Variants in PSMD14 observed in about 807,000 individuals in gnomAD.
PSMD14 encodes the protein ubiquitin C-terminal hydrolase PSMD14.
PSMD14 carries 7 observed loss-of-function variants against 41.2 expected under a neutral mutation model. That is an observed-to-expected ratio of 0.17 (90% CI 0.10 to 0.32). The LOEUF (loss-of-function observed/expected upper bound fraction) is 0.32. Ranked by LOEUF, PSMD14 falls within the 10% of genes least tolerant of loss-of-function variation. The probability of loss-of-function intolerance (pLI) is 1.00; values close to 1 mark genes in which losing one functional copy is unlikely to be tolerated. For synonymous variants in PSMD14, 114 were observed against 122.3 expected, an observed-to-expected ratio of 0.93 and a Z score of 0.45; for missense variants, 139 against 375.6, an observed-to-expected ratio of 0.37 and a Z score of 5.21.
intron 10 of PSMD14, among the ~76,000 whole-genome samples, chr2:161,397,122 G>A (rs1283372517): frequency 6.6e-6 from 1 of 152,154 alleles, no homozygotes; most frequent in Non-Finnish European, 1.5e-5. Flanking sequence ...GAGCCACCGT[G>A]CCTGGCCTAA....
At chr2:161,381,609 C>T (rs1574136658) in intron 7 of PSMD14, 1 of 151,690 alleles carries the variant, frequency 6.6e-6, no homozygotes, top group African/African-American at 2.4e-5. Flanking sequence ...CTTTCAGTGA[C>T]CTAGCAGTTG....
intron 1 of PSMD14, among the ~76,000 whole-genome samples, chr2:161,313,180 C>T (rs548832095): frequency 3.3e-5 from 5 of 152,172 alleles, no homozygotes; most frequent in South Asian, 2.1e-4. Flanking sequence ...GGCACTCTGA[C>T]TGTAGAGTCA....
intron 3 of PSMD14, among the ~76,000 whole-genome samples, chr2:161,338,164 C>G (rs528817228): frequency 6.6e-6 from 1 of 152,208 alleles, no homozygotes; most frequent in South Asian, 2.1e-4. Context: ...ATGAAGCATC[C>G]CTAAGGTAGT....
intron 8 of PSMD14, among the ~76,000 whole-genome samples, chr2:161,387,912 TAGAG>T (rs376401784): frequency 1.3e-5 from 2 of 152,018 alleles, no homozygotes; most frequent in Admixed American, 6.6e-5. Context: ...ATAATCCTGA[TAGAG>T]AGGAGAAAGT....
intron 3 of PSMD14, among the ~76,000 whole-genome samples, chr2:161,355,994 GCTCTA>G (rs1475433962): frequency 6.6e-6 from 1 of 152,048 alleles, no homozygotes; most frequent in African/African-American, 2.4e-5. Flanking sequence ...CAATTAATTT[GCTCTA>G]CTCTTCTCTT....
chr2:161,400,767 A>T (rs921850697), intron 10 of PSMD14, among the ~76,000 whole-genome samples: 3 of 151,974 alleles, frequency 2.0e-5, no homozygotes, highest in African/African-American at 7.3e-5. Context: ...GCTGGTCTTG[A>T]ACTCCTGGGC....
chr2:161,386,410 G>A (rs1224300949), intron 8 of PSMD14, among the ~76,000 whole-genome samples: 1 of 151,816 alleles, frequency 6.6e-6, no homozygotes, highest in African/African-American at 2.4e-5. Context: ...TGTCTTTGGG[G>A]AGTTGTGGCT....
intron 2 of PSMD14, 91 bp from the exon 3 acceptor site, chr2:161,318,731 A>C (rs1323616779): frequency 2.1e-6 from 2 of 937,296 alleles, no homozygotes; most frequent in South Asian, 2.8e-5. Context: ...TATTTTTGAC[A>C]TACTGAGTGA....
intron 3 of PSMD14, among the ~76,000 whole-genome samples, chr2:161,356,471 T>C (rs1351417691): frequency 6.6e-6 from 1 of 152,136 alleles, no homozygotes; most frequent in Non-Finnish European, 1.5e-5. Context: ...GGAAACTGAA[T>C]GTAGTGGTTT....
intron 8 of PSMD14, among the ~76,000 whole-genome samples, chr2:161,390,526 A>G (rs190247091): frequency 2.6e-5 from 4 of 152,298 alleles, no homozygotes; most frequent in South Asian, 2.1e-4. Context: ...CCTTGGAGAC[A>G]GAGTGAGGTG....
intron 3 of PSMD14, chr2:161,341,054 C>T: frequency 6.3e-7 from 1 of 1,583,726 alleles, no homozygotes; most frequent in Non-Finnish European, 8.6e-7. Flanking sequence ...GCCCTTCGGG[C>T]TCCCCCGGTC....
intron 10 of PSMD14, among the ~76,000 whole-genome samples, chr2:161,396,704 CT>C (rs1683802485): frequency 6.6e-6 from 1 of 152,078 alleles, no homozygotes; most frequent in African/African-American, 2.4e-5. Flanking sequence ...AAACAATATG[CT>C]TGGCTAGCAT....
chr2:161,358,267 G>A (rs937053548), intron 3 of PSMD14, among the ~76,000 whole-genome samples: 1 of 152,104 alleles, frequency 6.6e-6, no homozygotes, highest in Non-Finnish European at 1.5e-5. Flanking sequence ...AATAGGACAT[G>A]TATAATTTGT....
chr2:161,313,419 G>T (rs1689111886), intron 1 of PSMD14, among the ~76,000 whole-genome samples: 1 of 152,076 alleles, frequency 6.6e-6, no homozygotes, highest in Non-Finnish European at 1.5e-5. Context: ...GTACCACCTT[G>T]GCTCACTGCA....
chr2:161,405,763 T>A (rs1284466292), intron 10 of PSMD14, among the ~76,000 whole-genome samples: 1 of 152,180 alleles, frequency 6.6e-6, no homozygotes, highest in African/African-American at 2.4e-5. Context: ...TTGTGCTGTC[T>A]TATGTAAAAA....
intron 8 of PSMD14, among the ~76,000 whole-genome samples, chr2:161,386,459 A>T (rs1683637572): frequency 6.6e-6 from 1 of 151,790 alleles, no homozygotes; most frequent in Non-Finnish European, 1.5e-5. Context: ...TTACACTTTG[A>T]TAACTTTATA....
intron 3 of PSMD14, among the ~76,000 whole-genome samples, chr2:161,325,938 C>T (rs1385245858): frequency 1.3e-5 from 2 of 151,952 alleles, no homozygotes; most frequent in African/African-American, 4.8e-5. Flanking sequence ...GCAGTGGTAG[C>T]CAGTAAGGGG....
At chr2:161,321,593 C>T (rs1682599229) in intron 3 of PSMD14, among the ~76,000 whole-genome samples, 1 of 152,192 alleles carries the variant, frequency 6.6e-6, no homozygotes, top group African/African-American at 2.4e-5. Context: ...AGCTATACTT[C>T]ATGTGTCCCC....
chr2:161,334,058 C>A (rs1682833578), intron 3 of PSMD14, among the ~76,000 whole-genome samples: 2 of 148,540 alleles, frequency 1.3e-5, no homozygotes, highest in Admixed American at 6.7e-5. Flanking sequence ...AAAGGCCAGG[C>A]CTGGTGGCTC....
Sources: gnomAD v4.1 joint callset for allele counts (sites outside exome capture counted in the v4.1 genomes callset) on GRCh38, gnomAD v4.1.1 for gene constraint, MANE v1.5 for transcripts, NCBI Gene and HGNC (gene_info 2026-07-23, HGNC 2026-07-21) for gene names.